KANSL1L: variants seen among roughly 807,000 people sequenced by gnomAD.
KANSL1L encodes the protein KAT8 regulatory NSL complex subunit 1 like.
A neutral mutation model predicts 108.6 loss-of-function variants in KANSL1L; 25 were observed. The ratio of observed to expected loss-of-function variants is 0.23; its 90% CI spans 0.17 to 0.32. The LOEUF (loss-of-function observed/expected upper bound fraction) is 0.32. Among genes scored for constraint, KANSL1L ranks in the 10% least tolerant of loss-of-function variants. The probability of loss-of-function intolerance (pLI) is 1.00; values close to 1 mark genes in which losing one functional copy is unlikely to be tolerated. For synonymous variants in KANSL1L, 405 were observed against 395.1 expected (o/e 1.03, Z -0.30); for missense variants, 1,137 against 1,125.7 (o/e 1.01, Z -0.14).
At chr2:210,094,946 G>A (rs2094723476) in intron 5 of KANSL1L, among the ~76,000 whole-genome samples, 1 of 151,882 alleles carries the variant, frequency 6.6e-6, no homozygotes, top group South Asian at 2.1e-4. Context: ...TAAGGGAAAA[G>A]GAAAAATGTT....
At chr2:210,035,018 T>C (rs1207733897) in intron 8 of KANSL1L, 1 of 151,712 alleles carries the variant, frequency 6.6e-6, no homozygotes, top group Non-Finnish European at 1.5e-5. Flanking sequence ...AATACATCAA[T>C]GTGTATTTCT....
intron 3 of KANSL1L, among the ~76,000 whole-genome samples, chr2:210,104,847 C>T (rs557794149): frequency 1.2e-4 from 19 of 152,228 alleles, no homozygotes; most frequent in African/African-American, 4.1e-4. Flanking sequence ...AGGACTGCAC[C>T]ACTGAGAAAA....
intron 3 of KANSL1L, among the ~76,000 whole-genome samples, chr2:210,113,781 A>T (rs188285985): frequency 7.2e-5 from 11 of 152,332 alleles, no homozygotes; most frequent in African/African-American, 2.2e-4. Flanking sequence ...GAAAAGTATA[A>T]TAACTGAAAT....
Position 210,132,812 on chromosome 2 carries a change from T to C in KANSL1L, c.1089-3640A>G, listed in dbSNP as rs1489681929. 3.3e-5 allele frequency among the ~76,000 whole-genome samples: 5 copies of C among 152,212 alleles called. No individual in the cohort carries two copies. The South Asian group carries it at 8.3e-4, about 25-fold the overall frequency. Reference sequence around the variant, plus strand: ...ATATTTGGTTTTGGAATCAAGCTAATGCTACCCTCATAAAACGAGAAGTCT... The same window carrying C: ...ATATTTGGTTTTGGAATCAAGCTAACGCTACCCTCATAAAACGAGAAGTCT... On this transcript the variant is annotated intron_variant, in intron 2 of 14. Coordinates refer to ENST00000281772, the MANE Select transcript of KANSL1L (RefSeq NM_152519.4).
At chr2:210,034,750 T>C (rs985517710) in intron 8 of KANSL1L, among the ~76,000 whole-genome samples, 2 of 152,218 alleles carry the variant, frequency 1.3e-5, no homozygotes, top group Non-Finnish European at 2.9e-5. Flanking sequence ...TTAGACCAAG[T>C]TGGAGGAAGT....
At chr2:210,123,540 G>A (rs902792392) in intron 3 of KANSL1L, among the ~76,000 whole-genome samples, 2 of 151,672 alleles carry the variant, frequency 1.3e-5, no homozygotes, top group Non-Finnish European at 2.9e-5. Context: ...GGAAGGGTGG[G>A]GGAGAATGGG....
At chr2:210,064,423 C>T (rs966266104) in intron 6 of KANSL1L, 1 of 152,000 alleles carries the variant, frequency 6.6e-6, no homozygotes, top group African/African-American at 2.4e-5. Flanking sequence ...TTTTATTAAT[C>T]CTGTCTAGCA....
chr2:210,041,087 C>G (rs2094159085), intron 7 of KANSL1L, among the ~76,000 whole-genome samples: 1 of 152,108 alleles, frequency 6.6e-6, no homozygotes, highest in African/African-American at 2.4e-5. Context: ...AATGAATATA[C>G]TTTTATAAAG....
intron 8 of KANSL1L, among the ~76,000 whole-genome samples, chr2:210,036,843 A>T (rs1351614652): frequency 6.6e-6 from 1 of 151,910 alleles, no homozygotes; most frequent in East Asian, 1.9e-4. Context: ...TGCAGCCTCA[A>T]CCTCCCAGGC....
intron 3 of KANSL1L, among the ~76,000 whole-genome samples, chr2:210,115,412 G>A (rs1419558455): frequency 1.3e-5 from 2 of 152,036 alleles, no homozygotes; most frequent in African/African-American, 4.8e-5. Context: ...ATGTTTATAG[G>A]ATAACAGATA....
Position 210,104,171 on chromosome 2 carries a change from A to T in KANSL1L, c.1361T>A (p.Val454Glu), listed in dbSNP as rs552888543. The T allele has an allele frequency of 6.2e-7, 1 of 1,614,016 alleles. No individual in the cohort carries two copies. The highest frequency in any genetic ancestry group is 8.5e-7 in the Non-Finnish European group (1 of 1,179,916). ...PQVPQECQDPVPEQDFEMSPS... is the reference protein window; with the variant it reads ...PQVPQECQDPEPEQDFEMSPS... ...TGACATTTCAAAATCTTGTTCCGGT[A>T]CAGGATCTTGACACTCCTGGGGAAC... Residue 454 changes from valine to glutamate, a missense_variant, in exon 4 of 15, where the codon GTA (valine) becomes GAA (glutamate). Val to Glu is a moderately radical substitution (Grantham distance 121). Transcript: ENST00000281772.
At chr2:210,045,480 C>T (rs1332483672) in intron 6 of KANSL1L, among the ~76,000 whole-genome samples, 9 of 152,042 alleles carry the variant, frequency 5.9e-5, no homozygotes. Context: ...ATATTTATGA[C>T]CTCACAATAT....
At chr2:210,077,982 CGTTAG>C (rs2094554144) in intron 5 of KANSL1L, among the ~76,000 whole-genome samples, 1 of 152,152 alleles carries the variant, frequency 6.6e-6, no homozygotes, top group South Asian at 2.1e-4. Context: ...AGAAATGCAT[CGTTAG>C]GTTATTTTTT....
chr2:210,163,928 T>C (rs1231931358), intron 1 of KANSL1L, among the ~76,000 whole-genome samples: 2 of 152,082 alleles, frequency 1.3e-5, no homozygotes, highest in Admixed American at 1.3e-4. Flanking sequence ...TCCAAAATGG[T>C]AAAATTATTT....
At chr2:210,105,666 A>G (rs184720249) in intron 3 of KANSL1L, among the ~76,000 whole-genome samples, 55 of 151,970 alleles carry the variant, frequency 3.6e-4, no homozygotes, top group Admixed American at 1.2e-3. Context: ...TAGAATGCAC[A>G]TATTCAGTTA....
At chr2:210,164,218 T>C (rs1327979837) in intron 1 of KANSL1L, among the ~76,000 whole-genome samples, 2 of 152,198 alleles carry the variant, frequency 1.3e-5, no homozygotes, top group African/African-American at 4.8e-5. Flanking sequence ...GTGTGCCAAG[T>C]CTTGTAACCA....
intron 5 of KANSL1L, among the ~76,000 whole-genome samples, chr2:210,081,439 C>A (rs972005645): frequency 6.6e-6 from 1 of 152,224 alleles, no homozygotes; most frequent in Admixed American, 6.5e-5. Context: ...CCTGCATGAT[C>A]TCCCTCCAAA....
At chr2:210,168,889 G>A (rs1193716903) in intron 1 of KANSL1L, among the ~76,000 whole-genome samples, 1 of 152,078 alleles carries the variant, frequency 6.6e-6, no homozygotes, top group East Asian at 1.9e-4. Context: ...TATTTATTGA[G>A]CACCCACTAA....
At chr2:210,097,255 A>G (rs1013783325) in intron 5 of KANSL1L, 11 of 961,958 alleles carry the variant, frequency 1.1e-5, no homozygotes, top group Non-Finnish European at 1.4e-5. Context: ...TTTGATGGCT[A>G]CTTAGCATAA....
Sources: allele counts gnomAD v4.1 joint callset (sites outside exome capture counted in the v4.1 genomes callset), GRCh38; gene constraint gnomAD v4.1.1; transcripts MANE v1.5; gene names NCBI Gene and HGNC (gene_info 2026-07-23, HGNC 2026-07-21).